DNAAF9: variants seen among roughly 807,000 people sequenced by gnomAD.
DNAAF9 encodes dynein axonemal assembly factor 9, also known as shulin.
In DNAAF9, 90 loss-of-function variants were observed where a neutral mutation model predicts 167.0. The ratio of observed to expected loss-of-function variants is 0.54; its 90% CI spans 0.45 to 0.64. The LOEUF is 0.64. DNAAF9 is among the 30% of genes least tolerant of loss of function. The probability of loss-of-function intolerance (pLI) is 0.00; values close to 1 mark genes in which losing one functional copy is unlikely to be tolerated. For synonymous variants in DNAAF9, 491 were observed against 508.8 expected (o/e 0.96, Z 0.47); for missense variants, 1,315 against 1,442.2 (o/e 0.91, Z 1.43).
chr20:3,296,240 C>T, intron 23 of DNAAF9: 1 of 481,826 alleles, frequency 2.1e-6, no homozygotes, highest in South Asian at 1.6e-5. Flanking sequence ...CTGCACTCTA[C>T]CCGGGGTGAC....
Position 3,252,598 on chromosome 20 carries a change from G to T in DNAAF9, c.3508C>A (p.His1170Asn). The T allele has an allele frequency of 6.2e-7, 1 of 1,608,398 alleles. No homozygotes were observed. Among genetic ancestry groups the T allele is most frequent in the Non-Finnish European group, 8.5e-7 (1 of 1,174,772 alleles). Residue 1170 changes from histidine (H) to asparagine (N), a missense_variant, in exon 37 of 37, where the codon CAT becomes AAT. Coordinates refer to ENST00000252032, the MANE Select transcript of DNAAF9 (RefSeq NM_001009984.3). ...TAGGGCTTCAGCTCAAAGAGGTCAT[G>T]ATACTCCTGCTGTTCCAGCTCCTGG... Reference protein sequence around the residue: ...YNQELEQQEYHDLFELKP With the variant: ...YNQELEQQEYNDLFELKP
intron 7 of DNAAF9, among the ~76,000 whole-genome samples, chr20:3,355,324 CAGTACT>C (rs1482413843): frequency 6.6e-6 from 1 of 152,132 alleles, no homozygotes; most frequent in African/African-American, 2.4e-5. Flanking sequence ...CCTGGAATCC[CAGTACT>C]TTGGGAGGCC....
At chr20:3,287,527 C>A in intron 27 of DNAAF9, 105 bp downstream of exon 27, 1 of 1,056,120 alleles carries the variant, frequency 9.5e-7, no homozygotes, top group South Asian at 1.4e-5. Context: ...ACTGCTCATG[C>A]ATGTAGAGTC....
In DNAAF9 at chr20:3,253,828, G is replaced by A. The variant is rs893704412; in HGVS notation, c.3328-9C>T. On this transcript the variant is annotated splice_polypyrimidine_tract_variant and intron_variant, in intron 35 of 36. Coordinates refer to ENST00000252032, the MANE Select transcript of DNAAF9 (RefSeq NM_001009984.3). ...TCCAAGTGGCGTTTTACCTGTAGGA[G>A]AAAAGAGACCTGTAATAATTATCTG... 5.5e-6 allele frequency: 8 copies of A among 1,447,410 alleles called. No homozygotes were observed. Among genetic ancestry groups the A allele is most frequent in the African/African-American group, 2.8e-5 (2 of 71,698 alleles). 89.7% of individuals were successfully genotyped at this position (1,447,410 alleles called of 1,614,324 possible).
Position 3,330,689 on chromosome 20 carries a change from A to C in DNAAF9, c.1064-7T>G. 1 of 1,576,602 alleles carries C rather than the reference A, an allele frequency of 6.3e-7. No individual in the cohort carries two copies. Among genetic ancestry groups the C allele is most frequent in the Non-Finnish European group, 8.7e-7 (1 of 1,148,296 alleles). ...GGCAGCTTGCTGTCACCACCTGTGA[A>C]AGAGGCCCACTAAGAATGTGACAAG... On this transcript the variant is annotated splice_region_variant and splice_polypyrimidine_tract_variant and intron_variant, in intron 11 of 36. Transcript: ENST00000252032.
At chr20:3,342,012 C>T (rs933281576) in intron 9 of DNAAF9, among the ~76,000 whole-genome samples, 18 of 152,114 alleles carry the variant, frequency 1.2e-4, no homozygotes, top group Admixed American at 7.2e-4. Flanking sequence ...CTCCTGACCT[C>T]GTGATCCACC....
chr20:3,377,632 T>G (rs1269387793), intron 3 of DNAAF9, among the ~76,000 whole-genome samples: 1 of 150,818 alleles, frequency 6.6e-6, no homozygotes, highest in Non-Finnish European at 1.5e-5. Flanking sequence ...TAATTTTTAT[T>G]TTTTTTTTGT....
chr20:3,256,034 T>G lies in DNAAF9; in HGVS notation c.3233A>C (p.Lys1078Thr). ...IGCSLKEDSI[K>T]DWLRQSAKQK... ...CTTAGCTGACTGCCGCAGCCAGTCC[T>G]TGATGCTGTCTTCCTTCAGGGAGCA... The change falls in exon 34 of 37, where the codon AAG (lysine) becomes ACG (threonine). Residue 1078 changes from lysine to threonine, a missense_variant. Lys to Thr is a moderately conservative substitution (Grantham distance 78). Around this residue, in one of 2 missense-constraint regions of DNAAF9, gnomAD observed 334 missense variants for 429.7 expected, o/e 0.78. Coordinates refer to ENST00000252032, the MANE Select transcript of DNAAF9 (RefSeq NM_001009984.3). The G allele has an allele frequency of 6.2e-7, 1 of 1,613,684 alleles. No individual in the cohort carries two copies. Among genetic ancestry groups the G allele is most frequent in the South Asian group, 1.1e-5 (1 of 91,056 alleles).
At chr20:3,371,488 C>T (rs1015105350) in intron 6 of DNAAF9, among the ~76,000 whole-genome samples, 4 of 151,570 alleles carry the variant, frequency 2.6e-5, no homozygotes, top group African/African-American at 7.3e-5. Flanking sequence ...GGACTACAGG[C>T]GCCTGCCACC....
In DNAAF9 at chr20:3,250,672, C is replaced by T. The variant is rs1325195545; in HGVS notation, c.*1900G>A. On this transcript the variant is annotated 3_prime_UTR_variant, in exon 37 of 37. Coordinates refer to ENST00000252032, the MANE Select transcript of DNAAF9 (RefSeq NM_001009984.3). ...AAGACCCGCTCTCACGGGCGGGCTC[C>T]GACCCCTCTTTAAAAACTCTTCTGC... The T allele has an allele frequency of 1.3e-5, 2 of 152,146 alleles. No individual in the cohort carries two copies. The highest frequency in any genetic ancestry group is 1.9e-4 in the East Asian group (1 of 5,186). The allele number at this position is 152,146 out of a possible 1,614,324, so 9.4% of individuals were successfully genotyped here.
chr20:3,292,975 A>T (rs1055681525), intron 25 of DNAAF9, among the ~76,000 whole-genome samples: 2 of 151,970 alleles, frequency 1.3e-5, no homozygotes, highest in African/African-American at 4.8e-5. Flanking sequence ...AATTCCAGCT[A>T]CTTGAGAAGC....
chr20:3,323,524 G>A (rs550030713), intron 14 of DNAAF9, among the ~76,000 whole-genome samples: 2 of 152,066 alleles, frequency 1.3e-5, no homozygotes, highest in African/African-American at 2.4e-5. Flanking sequence ...TCAAGTGATC[G>A]CCTGTCTTGG....
intron 27 of DNAAF9, among the ~76,000 whole-genome samples, chr20:3,282,193 G>A (rs1298793787): frequency 6.6e-6 from 1 of 152,126 alleles, no homozygotes; most frequent in Non-Finnish European, 1.5e-5. Flanking sequence ...GACCCATCCA[G>A]GTCAGCAGAC....
chr20:3,257,947 T>C (rs1203252281), intron 33 of DNAAF9, among the ~76,000 whole-genome samples: 1 of 152,164 alleles, frequency 6.6e-6, no homozygotes, highest in Non-Finnish European at 1.5e-5. Flanking sequence ...CAGACTGGTC[T>C]CAAACTGCTG....
rs6051831 is a variant in DNAAF9, at chr20:3,393,065, T to A, written c.84-10559A>T. 7.8e-3 allele frequency among the ~76,000 whole-genome samples: 1,194 copies of A among 152,214 alleles called. 17 individuals are homozygous for A. The highest frequency in any genetic ancestry group is 0.028 in the African/African-American group (1,146 of 41,530). ...GCTTTTTTTCACTTAACATTATACC[T>A]CAGAGATCTTTCCAGCTTAGTACAT... On this transcript the variant is annotated intron_variant, in intron 1 of 36. Coordinates refer to ENST00000252032, the MANE Select transcript of DNAAF9 (RefSeq NM_001009984.3).
intron 25 of DNAAF9, among the ~76,000 whole-genome samples, chr20:3,293,393 C>A (rs1766148354): frequency 6.7e-6 from 1 of 148,484 alleles, no homozygotes; most frequent in African/African-American, 2.5e-5. Flanking sequence ...AGATTAAAAT[C>A]CACTCTGGGG....
intron 27 of DNAAF9, among the ~76,000 whole-genome samples, chr20:3,283,199 C>T (rs1314655961): frequency 3.9e-5 from 6 of 152,190 alleles, no homozygotes; most frequent in Non-Finnish European, 8.8e-5. Context: ...ATAAGTCAAA[C>T]CTAACAGGCA....
rs529335680 is a variant in DNAAF9, at chr20:3,251,289, C to G, written c.*1283G>C. The G allele has an allele frequency of 5.9e-5, 9 of 152,178 alleles. No homozygotes were observed. The South Asian group carries it at 1.9e-3, about 32-fold the overall frequency. 9.4% of individuals were successfully genotyped at this position (152,178 alleles called of 1,614,324 possible). A position where few individuals can be genotyped will look rare whatever the true frequency, so the allele number is the denominator to read the frequency against. The stretch of plus-strand genomic sequence containing the variant: ...CTCCAGGGGCCTTGCTCAAAAACCC[C>G]CTATATTACTGGAAACTGCTGGTTT... On this transcript the variant is annotated 3_prime_UTR_variant, in exon 37 of 37. Transcript: ENST00000252032.
intron 16 of DNAAF9, among the ~76,000 whole-genome samples, chr20:3,319,928 A>G (rs990098884): frequency 9.8e-5 from 15 of 152,332 alleles, no homozygotes; most frequent in Non-Finnish European, 4.4e-5. Context: ...CCTGAGCTAC[A>G]TGGTCCCTCT....
Sources: allele counts gnomAD v4.1 joint callset (sites outside exome capture counted in the v4.1 genomes callset), GRCh38; gene constraint gnomAD v4.1.1; regional missense constraint gnomAD v4.1.1; transcripts MANE v1.5; gene names NCBI Gene and HGNC (gene_info 2026-07-23, HGNC 2026-07-21).